Variants in SAMD5 observed in about 807,000 individuals in gnomAD.
The protein encoded by SAMD5 is sterile alpha motif domain-containing protein 5.
A neutral mutation model predicts 11.3 loss-of-function variants in SAMD5; 13 were observed. The observed-to-expected ratio is 1.15, with a 90% CI of 0.75 to 1.83. The LOEUF is 1.83. Among genes scored for constraint, SAMD5 ranks in the 40% most tolerant of loss-of-function variants. The pLI is 0.00. For synonymous variants in SAMD5, 129 were observed against 111.3 expected (o/e 1.16, Z -1.00); for missense variants, 255 against 239.1 (o/e 1.07, Z -0.44).
the SAMD5 span, among the ~76,000 whole-genome samples, chr6:147,949,265 A>G: frequency 6.6e-6 from 1 of 152,334 alleles, no homozygotes; most frequent in East Asian, 1.9e-4. Context: ...TGCCACTCCT[A>G]TGATGGGGGA....
chr6:147,787,343 C>T, the SAMD5 span, among the ~76,000 whole-genome samples: 9 of 152,214 alleles, frequency 5.9e-5, no homozygotes, highest in East Asian at 3.9e-4. Context: ...CTCTCACCTG[C>T]GGTAGTCACG....
At chr6:147,827,664 A>G in the SAMD5 span, among the ~76,000 whole-genome samples, 1 of 152,248 alleles carries the variant, frequency 6.6e-6, no homozygotes, top group Non-Finnish European at 1.5e-5. Context: ...TACTTCTACT[A>G]GAACAGCTCT....
At chr6:147,597,416 C>T (rs1187215845) in intron 1 of SAMD5, among the ~76,000 whole-genome samples, 3 of 152,136 alleles carry the variant, frequency 2.0e-5, no homozygotes, top group Non-Finnish European at 4.4e-5. Flanking sequence ...TGTGGGTTTG[C>T]TGCGAGCAAA....
chr6:147,799,388 A>G, the SAMD5 span, among the ~76,000 whole-genome samples: 1 of 151,952 alleles, frequency 6.6e-6, no homozygotes, highest in Non-Finnish European at 1.5e-5. Flanking sequence ...AAAATGTTGA[A>G]TATTGGCCCC....
At chr6:147,738,201 G>A (rs1791833244), downstream of SAMD5, among the ~76,000 whole-genome samples, 1 of 152,132 alleles carries the variant, frequency 6.6e-6, no homozygotes, top group African/African-American at 2.4e-5. Context: ...GAAATATATG[G>A]TAGTGGTGCA....
At chr6:147,865,481 T>C in the SAMD5 span, among the ~76,000 whole-genome samples, 4 of 152,184 alleles carry the variant, frequency 2.6e-5, no homozygotes, top group Admixed American at 6.6e-5. Flanking sequence ...GCTGCATAGA[T>C]GTAACACATT....
At chr6:147,515,176 G>GTTTTTTTTTTTTTTTTTTTTTT (rs71031029) in intron 1 of SAMD5, among the ~76,000 whole-genome samples, 1 of 75,018 alleles carries the variant, frequency 1.3e-5, no homozygotes, top group Non-Finnish European at 2.5e-5. Flanking sequence ...ATCCTTCCAG[G>GTTTTTTTTTTTTTTTTTTTTTT]TTTTTTTTTT....
intron 1 of SAMD5, among the ~76,000 whole-genome samples, chr6:147,720,506 AC>A (rs1791535305): frequency 6.6e-6 from 1 of 151,710 alleles, no homozygotes; most frequent in African/African-American, 2.4e-5. Context: ...CTCCAGTAGA[AC>A]CCACATATTC....
intron 1 of SAMD5, among the ~76,000 whole-genome samples, chr6:147,657,476 A>G (rs1008827874): frequency 6.6e-6 from 1 of 152,186 alleles, no homozygotes; most frequent in African/African-American, 2.4e-5. Context: ...AGAGAGAGTG[A>G]GTAAGCGTGA....
At chr6:147,558,668 A>C (rs1788896491) in intron 1 of SAMD5, among the ~76,000 whole-genome samples, 1 of 151,732 alleles carries the variant, frequency 6.6e-6, no homozygotes, top group Non-Finnish European at 1.5e-5. Flanking sequence ...TTGGCCCATC[A>C]GAACTGAGAA....
chr6:147,896,569 G>A, the SAMD5 span, among the ~76,000 whole-genome samples: 7 of 151,996 alleles, frequency 4.6e-5, no homozygotes, highest in East Asian at 1.9e-4. Flanking sequence ...ATGTGGAGAC[G>A]GGATGTGCAA....
Position 147,609,659 on chromosome 6 carries a change from C to T in SAMD5, c.162+100272C>T, listed in dbSNP as rs532894182. 4.7e-4 allele frequency among the ~76,000 whole-genome samples: 71 copies of T among 152,218 alleles called. 1 individual carries two copies. Among genetic ancestry groups the T allele is most frequent in the African/African-American group, 1.5e-3 (63 of 41,526 alleles). On this transcript the variant is annotated intron_variant, in intron 1 of 1. Transcript: ENST00000566741. ...GCAACCTCCGCTTCCCAGGTTCAAG[C>T]GATTCTCCTACCTCAGCCTCCTGAG...
chr6:147,541,859 G>A (rs936700295), intron 1 of SAMD5, among the ~76,000 whole-genome samples: 1 of 152,100 alleles, frequency 6.6e-6, no homozygotes, highest in African/African-American at 2.4e-5. Flanking sequence ...TACTTAGAAA[G>A]AGCCAACCAA....
At chr6:147,926,826 A>T in the SAMD5 span, among the ~76,000 whole-genome samples, 1 of 152,152 alleles carries the variant, frequency 6.6e-6, no homozygotes, top group South Asian at 2.1e-4. Context: ...TAAGTCTTTA[A>T]TCCATCTTGA....
chr6:147,706,290 T>A (rs1791324463), intron 1 of SAMD5, among the ~76,000 whole-genome samples: 1 of 152,124 alleles, frequency 6.6e-6, no homozygotes, highest in African/African-American at 2.4e-5. Flanking sequence ...GGCGCGATCT[T>A]GGCTCACTGC....
chr6:147,609,340 C>T (rs940162192), intron 1 of SAMD5, among the ~76,000 whole-genome samples: 1 of 152,142 alleles, frequency 6.6e-6, no homozygotes, highest in South Asian at 2.1e-4. Context: ...TGGAATAGAA[C>T]ATTGCCTCAT....
At chr6:147,687,336 A>T (rs1167824442) in intron 1 of SAMD5, among the ~76,000 whole-genome samples, 1 of 135,310 alleles carries the variant, frequency 7.4e-6, no homozygotes, top group African/African-American at 2.8e-5. Flanking sequence ...AGGCTGGAGT[A>T]CAGTGATGTG....
chr6:147,824,834 A>G, the SAMD5 span, among the ~76,000 whole-genome samples: 1 of 152,188 alleles, frequency 6.6e-6, no homozygotes, highest in African/African-American at 2.4e-5. Context: ...TCCTTCATTC[A>G]GTGCATATTT....
chr6:147,581,022 T>C (rs1452418500), intron 1 of SAMD5, among the ~76,000 whole-genome samples: 1 of 152,220 alleles, frequency 6.6e-6, no homozygotes, highest in Non-Finnish European at 1.5e-5. Flanking sequence ...TATTTTTGTC[T>C]CTTTTTCTCT....
Sources: allele counts gnomAD v4.1 joint callset (sites outside exome capture counted in the v4.1 genomes callset), GRCh38; gene constraint gnomAD v4.1.1; transcripts MANE v1.5; gene names NCBI Gene and HGNC (gene_info 2026-07-23, HGNC 2026-07-21).